Variants in TENM4 observed in about 807,000 individuals in gnomAD.
TENM4 encodes teneurin transmembrane protein 4, also known as teneurin-4.
TENM4 carries 82 observed loss-of-function variants against 243.3 expected under a neutral mutation model. The ratio of observed to expected loss-of-function variants is 0.34; its 90% confidence interval spans 0.28 to 0.40. TENM4 has a LOEUF of 0.40. Ranked by LOEUF, TENM4 falls within the 10% of genes least tolerant of loss-of-function variation. The pLI is 1.00. For synonymous variants in TENM4, 1,412 were observed against 1,456.3 expected (o/e 0.97, Z 0.69); for missense variants, 3,138 against 3,673.3 (o/e 0.85, Z 3.77).
chr11:78,927,897 C>A (rs1420908908), intron 6 of TENM4, among the ~76,000 whole-genome samples: 1 of 152,048 alleles, frequency 6.6e-6, no homozygotes, highest in Non-Finnish European at 1.5e-5. Flanking sequence ...CTAAAGCAAT[C>A]CTTGGTGATA....
intron 2 of TENM4, among the ~76,000 whole-genome samples, chr11:79,265,418 T>C (rs1054082733): frequency 2.6e-5 from 4 of 152,202 alleles, no homozygotes; most frequent in African/African-American, 9.7e-5. Flanking sequence ...AAAATACATA[T>C]CACATTTCAA....
intron 3 of TENM4, among the ~76,000 whole-genome samples, chr11:79,166,567 C>T (rs377346644): frequency 6.6e-6 from 1 of 152,074 alleles, no homozygotes; most frequent in Non-Finnish European, 1.5e-5. Context: ...AGTTATTGAC[C>T]CTTATTACCT....
intron 1 of TENM4, among the ~76,000 whole-genome samples, chr11:79,349,904 T>C (rs186107639): frequency 3.3e-5 from 5 of 152,282 alleles, no homozygotes; most frequent in Non-Finnish European, 7.4e-5. Context: ...TCCCAGCCTG[T>C]GATAATGCCA....
intron 28 of TENM4, among the ~76,000 whole-genome samples, chr11:78,689,439 C>T (rs889828551): frequency 4.0e-5 from 6 of 151,462 alleles, no homozygotes; most frequent in Non-Finnish European, 7.4e-5. Context: ...TTGCTGGACA[C>T]GGTTGCCCCT....
At chr11:79,063,165 G>A (rs1157460100) in intron 6 of TENM4, among the ~76,000 whole-genome samples, 1 of 152,104 alleles carries the variant, frequency 6.6e-6, no homozygotes, top group Non-Finnish European at 1.5e-5. Flanking sequence ...GGACCCTAAG[G>A]GGATACATTT....
At chr11:79,421,635 T>C (rs1858933035) in intron 1 of TENM4, among the ~76,000 whole-genome samples, 1 of 151,284 alleles carries the variant, frequency 6.6e-6, no homozygotes, top group African/African-American at 2.4e-5. Context: ...CATCTCGAGG[T>C]CACCAATAAT....
At chr11:79,068,142 A>G (rs1413007348) in intron 5 of TENM4, 2 of 152,206 alleles carry the variant, frequency 1.3e-5, no homozygotes, top group African/African-American at 2.4e-5. Flanking sequence ...TTCAGAGACC[A>G]TTTTGTCTCT....
At chr11:79,196,213 T>C (rs2135178473) in intron 3 of TENM4, among the ~76,000 whole-genome samples, 1 of 152,214 alleles carries the variant, frequency 6.6e-6, no homozygotes, top group East Asian at 1.9e-4. Context: ...AACAGACTAA[T>C]GCAAGAGGGC....
At chr11:79,028,896 A>C (rs2136842356) in intron 6 of TENM4, among the ~76,000 whole-genome samples, 1 of 152,272 alleles carries the variant, frequency 6.6e-6, no homozygotes, top group East Asian at 1.9e-4. Flanking sequence ...TCTGGGTAGA[A>C]GGCTCAGGAC....
chr11:79,085,831 A>G (rs1190732639), intron 4 of TENM4, among the ~76,000 whole-genome samples: 2 of 152,180 alleles, frequency 1.3e-5, no homozygotes, highest in Non-Finnish European at 2.9e-5. Context: ...CACACTTTAC[A>G]TGCTGTTTTG....
chr11:79,107,830 T>G (rs760281330), intron 4 of TENM4, among the ~76,000 whole-genome samples: 1 of 152,244 alleles, frequency 6.6e-6, no homozygotes, highest in Admixed American at 6.5e-5. Context: ...GCAAGTACTG[T>G]CAACCCTATT....
At chr11:78,713,368 A>T (rs1859445622) in intron 25 of TENM4, among the ~76,000 whole-genome samples, 1 of 152,238 alleles carries the variant, frequency 6.6e-6, no homozygotes, top group African/African-American at 2.4e-5. Flanking sequence ...AAAAAAAATA[A>T]GCAACACAGA....
At chr11:79,138,217 T>C (rs967580812) in intron 4 of TENM4, among the ~76,000 whole-genome samples, 18 of 148,690 alleles carry the variant, frequency 1.2e-4, no homozygotes, top group Middle Eastern at 3.4e-3. Context: ...TCTTCAGTTT[T>C]GGAACTTGGA....
At chr11:79,060,570 GTAAGGATCTCTGAGAACTTGGTTGCACAT>G (rs1860060525) in intron 6 of TENM4, among the ~76,000 whole-genome samples, 2 of 152,172 alleles carry the variant, frequency 1.3e-5, no homozygotes, top group African/African-American at 4.8e-5. Flanking sequence ...CATTTATCTG[GTAAGGATCTCTGAGAACTTGGTTGCACAT>G]TTTTGGTGGC....
intron 6 of TENM4, among the ~76,000 whole-genome samples, chr11:78,941,259 T>C (rs1209013359): frequency 2.0e-5 from 3 of 152,214 alleles, no homozygotes; most frequent in Non-Finnish European, 4.4e-5. Flanking sequence ...TTAGAACTGC[T>C]GTGAAGATGA....
intron 6 of TENM4, among the ~76,000 whole-genome samples, chr11:79,013,162 A>T (rs61882049): frequency 1.3e-5 from 2 of 152,150 alleles, no homozygotes; most frequent in Admixed American, 6.5e-5. Flanking sequence ...GGCAACATTC[A>T]GGGGGCACGA....
At chr11:79,145,554 G>A (rs1250403614) in intron 4 of TENM4, among the ~76,000 whole-genome samples, 1 of 152,008 alleles carries the variant, frequency 6.6e-6, no homozygotes, top group Non-Finnish European at 1.5e-5. Context: ...ATTGCTATGT[G>A]CAATATTCCA....
intron 9 of TENM4, among the ~76,000 whole-genome samples, chr11:78,864,733 C>T (rs1192641219): frequency 6.6e-6 from 1 of 152,166 alleles, no homozygotes; most frequent in Non-Finnish European, 1.5e-5. Flanking sequence ...CGCTCAAGTC[C>T]CTGGACCCTC....
chr11:78,940,016 A>G (rs1036713448), intron 6 of TENM4, among the ~76,000 whole-genome samples: 2 of 152,164 alleles, frequency 1.3e-5, no homozygotes, highest in South Asian at 2.1e-4. Flanking sequence ...AAGGAAAAAA[A>G]TGTATAAAAG....
Sources: allele counts gnomAD v4.1 joint callset (sites outside exome capture counted in the v4.1 genomes callset), GRCh38; gene constraint gnomAD v4.1.1; transcripts MANE v1.5; gene names NCBI Gene and HGNC (gene_info 2026-07-23, HGNC 2026-07-21).